Variants in R3HDM2 observed in about 807,000 individuals in gnomAD.
The protein encoded by R3HDM2 is R3H domain-containing protein 2.
A neutral mutation model predicts 124.5 loss-of-function variants in R3HDM2; 38 were observed. The ratio of observed to expected loss-of-function variants is 0.31; its 90% CI spans 0.24 to 0.40. R3HDM2 has a LOEUF of 0.40. Among genes scored for constraint, R3HDM2 ranks in the 10% least tolerant of loss-of-function variants. The pLI is 1.00. For synonymous variants in R3HDM2, 391 were observed against 448.0 expected, an observed-to-expected ratio of 0.87 and a Z score of 1.61; for missense variants, 869 against 1,236.9, an observed-to-expected ratio of 0.70 and a Z score of 4.46.
At chr12:57,402,694 C>T (rs561120817) in intron 1 of R3HDM2, among the ~76,000 whole-genome samples, 165 of 151,574 alleles carry the variant, frequency 1.1e-3, no homozygotes, top group Admixed American at 3.6e-3. Context: ...CACTTCAACC[C>T]GGGAGGCAGA....
At chr12:57,409,294 C>G (rs1351809625) in intron 1 of R3HDM2, among the ~76,000 whole-genome samples, 1 of 152,060 alleles carries the variant, frequency 6.6e-6, no homozygotes, top group Non-Finnish European at 1.5e-5. Flanking sequence ...ACAATATTAT[C>G]TTCTTCAAAT....
intron 2 of R3HDM2, among the ~76,000 whole-genome samples, chr12:57,351,750 G>A (rs1249240000): frequency 6.6e-6 from 1 of 152,142 alleles, no homozygotes; most frequent in Non-Finnish European, 1.5e-5. Flanking sequence ...AACACACTGT[G>A]TGATTTGTAC....
rs994661665 is a variant in R3HDM2, at chr12:57,255,956, C to T, written c.2632+34G>A. The T allele has an allele frequency of 2.5e-6, 4 of 1,589,908 alleles. No homozygotes were observed. The African/African-American group carries it at 4.0e-5, about 16-fold the overall frequency. ...TAATTAAGCGCTGGAAGGGTGGGCA[C>T]CTTCTCTTGGGGATTCAGCATCCCG... On this transcript the variant is annotated intron_variant, in intron 23 of 23. Transcript: ENST00000402412.
chr12:57,293,941 A>G (rs2049172792), intron 10 of R3HDM2, among the ~76,000 whole-genome samples: 1 of 152,190 alleles, frequency 6.6e-6, no homozygotes, highest in African/African-American at 2.4e-5. Flanking sequence ...CCCCTAGGTA[A>G]ATCAATGGCA....
chr12:57,385,679 C>G (rs1310860139), intron 2 of R3HDM2, among the ~76,000 whole-genome samples: 1 of 150,780 alleles, frequency 6.6e-6, no homozygotes, highest in Non-Finnish European at 1.5e-5. Flanking sequence ...GGCAACACAG[C>G]AGGACCCCGT....
At chr12:57,325,775 C>T (rs2057229022) in intron 2 of R3HDM2, among the ~76,000 whole-genome samples, 1 of 151,142 alleles carries the variant, frequency 6.6e-6, no homozygotes, top group Non-Finnish European at 1.5e-5. Context: ...TCTTGAATTC[C>T]TCAAGCAATC....
chr12:57,387,489 C>T (rs945181896), intron 2 of R3HDM2, among the ~76,000 whole-genome samples: 1 of 152,136 alleles, frequency 6.6e-6, no homozygotes, highest in African/African-American at 2.4e-5. Context: ...CAATTCTGGA[C>T]AAAGGTTTAC....
At chr12:57,271,447 C>CACAG (rs2137491440) in intron 14 of R3HDM2, among the ~76,000 whole-genome samples, 1 of 152,102 alleles carries the variant, frequency 6.6e-6, no homozygotes, top group African/African-American at 2.4e-5. Context: ...TACACACACA[C>CACAG]ACACACACAC....
At chr12:57,423,470 T>C (rs916973619) in intron 1 of R3HDM2, among the ~76,000 whole-genome samples, 1 of 150,576 alleles carries the variant, frequency 6.6e-6, no homozygotes, top group African/African-American at 2.4e-5. Context: ...AGGTCTCCCA[T>C]ATTCTTCCCA....
chr12:57,291,568 C>T (rs1241775787), intron 11 of R3HDM2, among the ~76,000 whole-genome samples: 1 of 151,082 alleles, frequency 6.6e-6, no homozygotes, highest in East Asian at 2.0e-4. Flanking sequence ...GCAAGAGGAT[C>T]GTTTGAGCCC....
intron 2 of R3HDM2, among the ~76,000 whole-genome samples, chr12:57,382,789 T>A (rs1480200111): frequency 1.3e-5 from 2 of 151,768 alleles, no homozygotes; most frequent in Non-Finnish European, 2.9e-5. Flanking sequence ...TGAGCTGAGA[T>A]CATGCCACTG....
intron 2 of R3HDM2, among the ~76,000 whole-genome samples, chr12:57,320,261 CAAAAAAAAAAAAAAA>C (rs56207989): frequency 2.1e-4 from 3 of 14,274 alleles, no homozygotes; most frequent in Non-Finnish European, 2.6e-4. Flanking sequence ...AACTCTATCT[CAAAAAAAAAAAAAAA>C]AAAAAAAAAA....
At chr12:57,358,820 T>C (rs1453492289) in intron 2 of R3HDM2, among the ~76,000 whole-genome samples, 1 of 152,118 alleles carries the variant, frequency 6.6e-6, no homozygotes, top group East Asian at 1.9e-4. Context: ...CTACCAATTA[T>C]TTAGAGAGTG....
At chr12:57,381,791 G>T (rs1478464308) in intron 2 of R3HDM2, among the ~76,000 whole-genome samples, 1 of 151,914 alleles carries the variant, frequency 6.6e-6, no homozygotes, top group Non-Finnish European at 1.5e-5. Flanking sequence ...CATACATATA[G>T]AGAGAGGGGA....
intron 2 of R3HDM2, among the ~76,000 whole-genome samples, chr12:57,394,199 T>C (rs548848248): frequency 6.6e-6 from 1 of 151,524 alleles, no homozygotes; most frequent in East Asian, 1.9e-4. Flanking sequence ...CGAGAGGCTG[T>C]TGTGTAAGAA....
intron 3 of R3HDM2, among the ~76,000 whole-genome samples, chr12:57,305,137 A>G (rs55690318): frequency 0.026 from 3,964 of 152,280 alleles, 70 homozygotes; most frequent in Non-Finnish European, 0.039. Context: ...GTGAGCTGAG[A>G]TTGCGCCACT....
chr12:57,383,276 C>T (rs1185335044), intron 2 of R3HDM2, among the ~76,000 whole-genome samples: 1 of 151,948 alleles, frequency 6.6e-6, no homozygotes, highest in East Asian at 1.9e-4. Context: ...GCTGTGGTCA[C>T]GCCGTTGCAC....
At chr12:57,377,350 T>C (rs1237006964) in intron 2 of R3HDM2, among the ~76,000 whole-genome samples, 1 of 152,054 alleles carries the variant, frequency 6.6e-6, no homozygotes, top group Admixed American at 6.6e-5. Flanking sequence ...TATAGCCAAC[T>C]AGAGTTCACT....
At position 57,418,930 on chromosome 12, in the gene R3HDM2, A is replaced by G. The variant is rs181115946; in HGVS notation, c.-106+11790T>C. ...TCACTCCCTCTACTCTAAATCCAGT[A>G]TAAGTATTTCTTCAAATTGCTGCCA... On this transcript the variant is annotated intron_variant, in intron 1 of 23. Coordinates refer to ENST00000402412, the MANE Select transcript of R3HDM2 (RefSeq NM_001394031.1). 1.2e-4 allele frequency among the ~76,000 whole-genome samples: 19 copies of G among 152,330 alleles called. No homozygotes were observed. In the East Asian group the frequency reaches 1.5e-3, roughly 12 times the overall value.
Sources: allele counts gnomAD v4.1 joint callset (sites outside exome capture counted in the v4.1 genomes callset), GRCh38; gene constraint gnomAD v4.1.1; transcripts MANE v1.5; gene names NCBI Gene and HGNC (gene_info 2026-07-23, HGNC 2026-07-21).